Variants in SLC39A11 observed in about 807,000 individuals in gnomAD.
The protein encoded by SLC39A11 is zinc transporter ZIP11.
SLC39A11 carries 33 observed loss-of-function variants against 36.1 expected under a neutral mutation model. That is an observed-to-expected ratio of 0.91 (90% CI 0.69 to 1.22). SLC39A11 has a LOEUF of 1.22. Among genes scored for constraint, SLC39A11 ranks in the 50% most tolerant of loss-of-function variants. SLC39A11 has a pLI of 0.00. For missense variants in SLC39A11, 432 were observed against 430.3 expected (o/e 1.00, Z -0.03); for synonymous variants, 166 against 170.3 (o/e 0.97, Z 0.20).
chr17:73,064,174 T>A (rs551336708), intron 3 of SLC39A11, among the ~76,000 whole-genome samples: 14 of 152,252 alleles, frequency 9.2e-5, no homozygotes, highest in African/African-American at 3.1e-4. Context: ...GACACACAAT[T>A]CTCACCATCG....
At chr17:72,798,217 A>G (rs1299824936) in intron 6 of SLC39A11, among the ~76,000 whole-genome samples, 1 of 152,030 alleles carries the variant, frequency 6.6e-6, no homozygotes, top group Non-Finnish European at 1.5e-5. Context: ...CGCTGTTATA[A>G]CAAAGTACCA....
intron 7 of SLC39A11, among the ~76,000 whole-genome samples, chr17:72,675,120 T>C (rs2071199153): frequency 6.6e-6 from 1 of 152,120 alleles, no homozygotes; most frequent in Non-Finnish European, 1.5e-5. Flanking sequence ...TTCCCTTCCA[T>C]AGCGCTATGG....
At chr17:72,759,811 A>G (rs1393413003) in intron 6 of SLC39A11, among the ~76,000 whole-genome samples, 2 of 152,216 alleles carry the variant, frequency 1.3e-5, no homozygotes, top group Non-Finnish European at 1.5e-5. Flanking sequence ...GAAAAATATA[A>G]GATTCTTAAT....
chr17:72,952,672 G>C (rs934574246), intron 4 of SLC39A11, among the ~76,000 whole-genome samples: 7 of 152,150 alleles, frequency 4.6e-5, no homozygotes, highest in African/African-American at 1.2e-4. Context: ...TTCTGGTTTG[G>C]TTTGGTTTGA....
chr17:72,660,596 C>T (rs2070366806), intron 7 of SLC39A11, among the ~76,000 whole-genome samples: 1 of 152,170 alleles, frequency 6.6e-6, no homozygotes, highest in South Asian at 2.1e-4. Context: ...GCGGACGCTG[C>T]CCGACACCCA....
intron 7 of SLC39A11, among the ~76,000 whole-genome samples, chr17:72,688,512 C>A (rs371861571): frequency 6.6e-6 from 1 of 152,212 alleles, no homozygotes; most frequent in Admixed American, 6.5e-5. Context: ...CTCCTCTGAG[C>A]GATCCTCTTC....
intron 6 of SLC39A11, among the ~76,000 whole-genome samples, chr17:72,742,260 G>A (rs2074741913): frequency 6.6e-6 from 1 of 152,136 alleles, no homozygotes; most frequent in Admixed American, 6.5e-5. Flanking sequence ...GAATTTCAGG[G>A]CAGGCTGCGA....
In SLC39A11 at chr17:73,044,509, G is replaced by T. The variant is rs534357434; in HGVS notation, c.148-12795C>A. Among the ~76,000 whole-genome samples, 59 of 152,328 alleles carry T rather than the reference G, an allele frequency of 3.9e-4. No individual in the cohort carries two copies. In the South Asian group the frequency reaches 9.9e-3, roughly 26 times the overall value. On this transcript the variant is annotated intron_variant, in intron 3 of 9. Transcript: ENST00000255559. ...GGTATGCAAAACTACTCTGTGGTTA[G>T]AAGTCATTAGTTGGTGGCTGGGAGG...
At chr17:72,865,422 A>AG (rs1160855276) in intron 5 of SLC39A11, among the ~76,000 whole-genome samples, 1 of 151,732 alleles carries the variant, frequency 6.6e-6, no homozygotes, top group East Asian at 1.9e-4. Flanking sequence ...AAAAAAAAAA[A>AG]AAAAACAACT....
At chr17:72,964,370 TCCGCATCAGCCAC>T (rs1429405385) in intron 4 of SLC39A11, among the ~76,000 whole-genome samples, 2 of 152,222 alleles carry the variant, frequency 1.3e-5, no homozygotes, top group African/African-American at 4.8e-5. Flanking sequence ...GGCCTCCCGG[TCCGCATCAGCCAC>T]CTAACAGCTG....
intron 6 of SLC39A11, among the ~76,000 whole-genome samples, chr17:72,745,886 A>G (rs1000572408): frequency 2.0e-5 from 3 of 152,240 alleles, no homozygotes; most frequent in African/African-American, 2.4e-5. Flanking sequence ...AATATTAAAC[A>G]CAGCCACTAC....
intron 4 of SLC39A11, among the ~76,000 whole-genome samples, chr17:72,953,541 T>C (rs948230286): frequency 6.6e-6 from 1 of 152,098 alleles, no homozygotes; most frequent in Admixed American, 6.5e-5. Flanking sequence ...CAACTGTTAG[T>C]GGCTGATGTC....
At chr17:73,009,902 G>A (rs189256454) in intron 4 of SLC39A11, among the ~76,000 whole-genome samples, 16 of 118,142 alleles carry the variant, frequency 1.4e-4, no homozygotes, top group Admixed American at 4.9e-4. Flanking sequence ...CCCACCCCAC[G>A]ACAGGCCCCA....
At chr17:72,979,893 C>G (rs1235492488) in intron 4 of SLC39A11, among the ~76,000 whole-genome samples, 1 of 152,146 alleles carries the variant, frequency 6.6e-6, no homozygotes, top group Non-Finnish European at 1.5e-5. Flanking sequence ...GCACCCCTCC[C>G]ATGACTTGCT....
At chr17:72,951,627 CA>C (rs1339175347) in intron 4 of SLC39A11, among the ~76,000 whole-genome samples, 1 of 152,006 alleles carries the variant, frequency 6.6e-6, no homozygotes, top group East Asian at 1.9e-4. Context: ...GTGATAATGC[CA>C]AAAGAAAAAT....
At chr17:72,749,753 A>C (rs2075078843) in intron 6 of SLC39A11, among the ~76,000 whole-genome samples, 1 of 152,080 alleles carries the variant, frequency 6.6e-6, no homozygotes, top group Admixed American at 6.6e-5. Flanking sequence ...GGAGGTCTCT[A>C]ATCACTGGTC....
At chr17:72,674,849 G>A (rs2071182777) in intron 7 of SLC39A11, among the ~76,000 whole-genome samples, 2 of 152,080 alleles carry the variant, frequency 1.3e-5, no homozygotes, top group South Asian at 4.1e-4. Flanking sequence ...GTGTTTTGGT[G>A]AATTATCTGG....
At chr17:72,912,693 C>T (rs1200900014) in intron 5 of SLC39A11, among the ~76,000 whole-genome samples, 2 of 152,114 alleles carry the variant, frequency 1.3e-5, no homozygotes, top group Non-Finnish European at 2.9e-5. Context: ...AAACACCGGA[C>T]CAGAAGCATC....
intron 4 of SLC39A11, among the ~76,000 whole-genome samples, chr17:72,994,468 G>T (rs930755047): frequency 6.6e-6 from 1 of 152,126 alleles, no homozygotes; most frequent in African/African-American, 2.4e-5. Context: ...GTAGCAACAG[G>T]GATTGATCAA....
Sources: allele counts gnomAD v4.1 joint callset (sites outside exome capture counted in the v4.1 genomes callset), GRCh38; gene constraint gnomAD v4.1.1; transcripts MANE v1.5; gene names NCBI Gene and HGNC (gene_info 2026-07-23, HGNC 2026-07-21).